STMN1: variants seen among roughly 807,000 people sequenced by gnomAD.
STMN1 encodes the protein stathmin 1.
STMN1 carries 3 observed loss-of-function variants against 19.7 expected under a neutral mutation model. That is an observed-to-expected ratio of 0.15 (90% confidence interval 0.07 to 0.39). The LOEUF (loss-of-function observed/expected upper bound fraction) is 0.39. STMN1 is among the 10% of genes least tolerant of loss of function. The probability of loss-of-function intolerance (pLI) is 1.00; values close to 1 mark genes in which losing one functional copy is unlikely to be tolerated. For missense variants in STMN1, 99 were observed against 176.0 expected (o/e 0.56, Z 2.48); for synonymous variants, 59 against 58.9 (o/e 1.00, Z -0.01).
intron 3 of STMN1, chr1:25,902,894 C>T (rs939711740): frequency 2.0e-5 from 3 of 152,104 alleles, no homozygotes; most frequent in African/African-American, 7.2e-5. Context: ...GCCTCACTTG[C>T]CCCAGCTTTA....
chr1:25,890,686 A>G (rs897219017), intron 4 of STMN1, among the ~76,000 whole-genome samples: 4 of 152,172 alleles, frequency 2.6e-5, no homozygotes, highest in Non-Finnish European at 5.9e-5. Context: ...CTGCTGTTAC[A>G]CTGCATACCT....
intron 4 of STMN1, among the ~76,000 whole-genome samples, chr1:25,890,937 A>T (rs1027688483): frequency 3.9e-5 from 6 of 152,186 alleles, no homozygotes; most frequent in African/African-American, 1.2e-4. Context: ...CTCTGCCTCT[A>T]ATTAGCAGTG....
chr1:25,896,129 G>T (rs182364214), downstream of STMN1, among the ~76,000 whole-genome samples: 6 of 152,296 alleles, frequency 3.9e-5, no homozygotes, highest in East Asian at 1.2e-3. Context: ...CAGCATGGGG[G>T]TTAAAAGTCT....
downstream of STMN1, among the ~76,000 whole-genome samples, chr1:25,896,352 T>C (rs995589328): frequency 5.3e-5 from 8 of 152,154 alleles, no homozygotes; most frequent in African/African-American, 1.9e-4. Flanking sequence ...AGGCTTAGCA[T>C]GGGGACTTCC....
intron 4 of STMN1, chr1:25,887,326 G>A (rs529609770): frequency 4.8e-6 from 1 of 207,710 alleles, no homozygotes; most frequent in South Asian, 8.7e-5. Context: ...CCAAGAGGTT[G>A]TCCAGGAGCC....
Position 25,901,011 on chromosome 1 carries a change from A to G in STMN1, c.*5T>C. ...GATGGGGAGAAAGTCAGTTCTCAGA[A>G]CAAATTAGTCAGCTTCAGTCTCGTC... is the stretch of plus-strand genomic sequence containing the variant. On this transcript the variant is annotated 3_prime_UTR_variant, in exon 5 of 5. Transcript: ENST00000455785. 3.1e-6 allele frequency: 5 copies of G among 1,613,884 alleles called. No homozygotes were observed. Among genetic ancestry groups the G allele is most frequent in the Non-Finnish European group, 4.2e-6 (5 of 1,179,964 alleles).
intron 4 of STMN1, among the ~76,000 whole-genome samples, chr1:25,888,436 G>A (rs534569086): frequency 2.6e-5 from 4 of 152,160 alleles, no homozygotes; most frequent in Non-Finnish European, 5.9e-5. Flanking sequence ...CTAAATTCTC[G>A]GCACCTGGGA....
At chr1:25,890,112 A>C (rs971872127) in intron 4 of STMN1, among the ~76,000 whole-genome samples, 2 of 151,326 alleles carry the variant, frequency 1.3e-5, no homozygotes, top group Non-Finnish European at 2.9e-5. Flanking sequence ...AAGTAGGAGG[A>C]CTGGAGGTGT....
In STMN1 at chr1:25,903,704, C is replaced by A; in HGVS notation, c.123G>T (p.Lys41Asn). ...TTTCCTCCAGGGAAAGATCCTTCTT[C>A]TTTGGAGGGGAAAGGGGGAATTCTG... Reference protein sequence around the residue: ...SVPEFPLSPPKKKDLSLEEIQ... With the variant: ...SVPEFPLSPPNKKDLSLEEIQ... Residue 41 changes from lysine to asparagine, a missense_variant, in exon 3 of 5, where the codon AAG becomes AAT. Physicochemically the swap from Lys to Asn is moderately conservative, Grantham distance 94 (BLOSUM62 0). Around this residue, in one of 3 missense-constraint regions of STMN1, gnomAD observed 37 missense variants for 57.9 expected, o/e 0.64. Coordinates refer to ENST00000455785, the MANE Select transcript of STMN1 (RefSeq NM_005563.4). 6.2e-7 allele frequency: 1 copy of A among 1,613,896 alleles called. No individual in the cohort carries two copies. The highest frequency in any genetic ancestry group is 8.5e-7 in the Non-Finnish European group (1 of 1,180,032).
downstream of STMN1, among the ~76,000 whole-genome samples, chr1:25,898,822 C>G (rs566397179): frequency 7.2e-5 from 11 of 152,280 alleles, no homozygotes; most frequent in Admixed American, 2.0e-4. Flanking sequence ...CAGAGAATGC[C>G]GGGCCCGGGA....
downstream of STMN1, among the ~76,000 whole-genome samples, chr1:25,899,340 C>A (rs1288722017): frequency 6.6e-6 from 1 of 152,166 alleles, no homozygotes; most frequent in East Asian, 1.9e-4. Context: ...TTTAAAGATC[C>A]CAGAGCACCT....
At chr1:25,884,695 CAAAAAAAAAAAAA>C (rs11337126), downstream of STMN1, 3 of 88,716 alleles carry the variant, frequency 3.4e-5, no homozygotes, top group African/African-American at 1.3e-4. Context: ...GACTCTGCCT[CAAAAAAAAAAAAA>C]AAAAAAAAAG....
At chr1:25,896,872 C>T (rs370033718), downstream of STMN1, among the ~76,000 whole-genome samples, 1 of 152,174 alleles carries the variant, frequency 6.6e-6, no homozygotes, top group African/African-American at 2.4e-5. Context: ...GTGTCTGGGT[C>T]CTTGGAGTTC....
intron 4 of STMN1, among the ~76,000 whole-genome samples, chr1:25,887,814 G>A (rs186250741): frequency 6.6e-6 from 1 of 152,136 alleles, no homozygotes; most frequent in Non-Finnish European, 1.5e-5. Context: ...AGCCTCCTGA[G>A]TAGCTGGGAC....
At chr1:25,885,608 A>G (rs1352104048) in exon 5 of STMN1, 4 of 1,356,326 alleles carry the variant, frequency 2.9e-6, no homozygotes, top group Non-Finnish European at 3.9e-6. Context: ...TTAGAATCCA[A>G]GTCTGCCTGA....
At chr1:25,887,965 G>T (rs1391923761) in intron 4 of STMN1, among the ~76,000 whole-genome samples, 1 of 152,172 alleles carries the variant, frequency 6.6e-6, no homozygotes, top group Non-Finnish European at 1.5e-5. Context: ...GATTACAGGC[G>T]TGAGCCACCG....
downstream of STMN1, among the ~76,000 whole-genome samples, chr1:25,896,614 C>A (rs1484736915): frequency 2.6e-5 from 4 of 152,342 alleles, no homozygotes; most frequent in African/African-American, 7.2e-5. Flanking sequence ...GCAGGCCAGG[C>A]CTTTCTAACT....
intron 4 of STMN1, among the ~76,000 whole-genome samples, chr1:25,888,110 T>G (rs549592199): frequency 6.6e-6 from 1 of 152,328 alleles, no homozygotes; most frequent in East Asian, 1.9e-4. Context: ...GCTGTGTGAC[T>G]AGAGCTGCTT....
In STMN1 at chr1:25,885,837, GT is replaced by G. The variant is rs971905786; in HGVS notation, c.410del (p.His137ProfsTer28). The G allele has an allele frequency of 1.9e-6, 3 of 1,551,064 alleles. No individual in the cohort carries two copies. The African/African-American group carries it at 4.1e-5, about 21-fold the overall frequency. ...ATTGCTCAGCAGAGATCTGTGCTGG[GT>G]GGGCCCCAGGCCCGTGAGTCCAGAA... On this transcript the variant is annotated frameshift_variant, in exon 5 of 5. Coordinates refer to the STMN1 transcript ENST00000426559. LOFTEE classifies it low-confidence loss of function (END_TRUNC).
Sources: gnomAD v4.1 joint callset for allele counts (sites outside exome capture counted in the v4.1 genomes callset) on GRCh38, gnomAD v4.1.1 for gene constraint, gnomAD v4.1.1 regional missense constraint, MANE v1.5 for transcripts, NCBI Gene and HGNC (gene_info 2026-07-23, HGNC 2026-07-21) for gene names.